TFB1M: variants seen among roughly 807,000 people sequenced by gnomAD.
TFB1M encodes dimethyladenosine transferase 1, mitochondrial.
TFB1M carries 27 observed loss-of-function variants against 31.1 expected under a neutral mutation model. The observed-to-expected ratio is 0.87, with a 90% CI of 0.64 to 1.20. TFB1M has a LOEUF of 1.20. Among genes scored for constraint, TFB1M ranks in the 50% most tolerant of loss-of-function variants. The pLI is 0.00. For synonymous variants in TFB1M, 166 were observed against 151.8 expected (o/e 1.09, Z -0.69); for missense variants, 394 against 418.7 (o/e 0.94, Z 0.51).
chr6:155,283,710 T>C (rs4870367), intron 5 of TFB1M, among the ~76,000 whole-genome samples: 19,514 of 152,256 alleles, frequency 0.13, 1,537 homozygotes, highest in Non-Finnish European at 0.19. Context: ...TTCTGGATAA[T>C]GGTCATAACC....
At chr6:155,313,827 T>A (rs1053214840) in intron 1 of TFB1M, among the ~76,000 whole-genome samples, 1 of 152,104 alleles carries the variant, frequency 6.6e-6, no homozygotes, top group Non-Finnish European at 1.5e-5. Context: ...ACTGAACAGG[T>A]AAACGTTTAA....
downstream of TFB1M, chr6:155,254,315 G>A: frequency 6.8e-7 from 1 of 1,471,470 alleles, no homozygotes; most frequent in Non-Finnish European, 9.3e-7. Context: ...CTGGCTGGCA[G>A]CCTGGTCCAG....
Position 155,257,523 on chromosome 6 carries a change from A to G in TFB1M, c.*313T>C, listed in dbSNP as rs1174793611. On this transcript the variant is annotated 3_prime_UTR_variant, in exon 7 of 7. Transcript: ENST00000367166. ...TTAGTTTTTGCTTTATTTAAAGCATATTTAAGTTATTTTAATGTGGTTTAG... is the reference window on the plus strand; with the variant it reads ...TTAGTTTTTGCTTTATTTAAAGCATGTTTAAGTTATTTTAATGTGGTTTAG... 5.6e-6 allele frequency: 2 copies of G among 359,830 alleles called. No individual in the cohort carries two copies. The highest frequency in any genetic ancestry group is 1.0e-5 in the Non-Finnish European group (2 of 198,950). The allele number at this position is 359,830 out of a possible 1,614,324, so 22.3% of individuals were successfully genotyped here.
chr6:155,240,614 C>T, the TFB1M span: 43 of 1,614,036 alleles, frequency 2.7e-5, no homozygotes, highest in Admixed American at 6.7e-4. Flanking sequence ...GAATCAGGAT[C>T]CTCCTCCGAG....
downstream of TFB1M, among the ~76,000 whole-genome samples, chr6:155,251,741 A>G (rs190836493): frequency 1.3e-5 from 2 of 152,366 alleles, no homozygotes; most frequent in Non-Finnish European, 2.9e-5. Flanking sequence ...AACTTCTAAT[A>G]GTAGCTTTTA....
intron 2 of TFB1M, 73 bp downstream of exon 2, chr6:155,311,115 G>A (rs1777996835): frequency 6.6e-7 from 1 of 1,519,152 alleles, no homozygotes; most frequent in Admixed American, 1.7e-5. Flanking sequence ...GGATACCTTG[G>A]GGTTTAAGCA....
intron 5 of TFB1M, among the ~76,000 whole-genome samples, chr6:155,267,085 G>A (rs1158805742): frequency 2.0e-5 from 3 of 150,034 alleles, no homozygotes; most frequent in East Asian, 4.0e-4. Flanking sequence ...AGCAATTCTC[G>A]TGTCTCAGCC....
intron 2 of TFB1M, among the ~76,000 whole-genome samples, chr6:155,299,740 A>AT (rs1173116835): frequency 2.0e-5 from 3 of 152,038 alleles, no homozygotes; most frequent in East Asian, 1.9e-4. Flanking sequence ...ATTAAAGCTG[A>AT]TTTTTTTTCT....
chr6:155,289,300 C>G (rs1029201482), intron 4 of TFB1M, among the ~76,000 whole-genome samples: 1 of 152,118 alleles, frequency 6.6e-6, no homozygotes. Flanking sequence ...ACAGGGCCAG[C>G]AGCATCGAGA....
At chr6:155,297,365 CAGGAAAAAGAGTTGGCTTG>C (rs1173714677) in intron 3 of TFB1M, among the ~76,000 whole-genome samples, 3 of 151,830 alleles carry the variant, frequency 2.0e-5, no homozygotes, top group African/African-American at 7.3e-5. Context: ...CTAGGAAATA[CAGGAAAAAGAGTTGGCTTG>C]AGGAAAAAGA....
chr6:155,240,952 A>G, the TFB1M span, among the ~76,000 whole-genome samples: 1 of 152,234 alleles, frequency 6.6e-6, no homozygotes, highest in African/African-American at 2.4e-5. Flanking sequence ...AGCTTTCACT[A>G]TGGAAACAGA....
chr6:155,302,259 C>T (rs1032808748), intron 2 of TFB1M, among the ~76,000 whole-genome samples: 1 of 152,154 alleles, frequency 6.6e-6, no homozygotes, highest in Admixed American at 6.5e-5. Flanking sequence ...TTATCTTCTT[C>T]CTGATTTGCC....
chr6:155,312,381 A>T (rs1259833377), intron 1 of TFB1M, among the ~76,000 whole-genome samples: 1 of 152,160 alleles, frequency 6.6e-6, no homozygotes, highest in Non-Finnish European at 1.5e-5. Context: ...TCCTATCCCA[A>T]TTTCATTTCT....
At chr6:155,310,273 C>T (rs1777959339) in intron 2 of TFB1M, among the ~76,000 whole-genome samples, 1 of 152,136 alleles carries the variant, frequency 6.6e-6, no homozygotes, top group African/African-American at 2.4e-5. Context: ...GTTCAGGACT[C>T]TTTTAAAATT....
At chr6:155,291,510 C>A (rs113070063) in intron 4 of TFB1M, among the ~76,000 whole-genome samples, 1,861 of 152,252 alleles carry the variant, frequency 0.012, 34 homozygotes, top group Non-Finnish European at 0.015. Context: ...AACAAACATG[C>A]AACGGTCCTA....
chr6:155,291,796 C>T (rs1776939254), intron 4 of TFB1M, among the ~76,000 whole-genome samples: 1 of 152,050 alleles, frequency 6.6e-6, no homozygotes, highest in Non-Finnish European at 1.5e-5. Flanking sequence ...GGCAAAAGTG[C>T]CCTTGTTGGA....
downstream of TFB1M, chr6:155,254,435 A>C: frequency 6.2e-7 from 1 of 1,612,382 alleles, no homozygotes; most frequent in Non-Finnish European, 8.5e-7. Flanking sequence ...TGAAAGCAAA[A>C]CCAACATTGT....
chr6:155,251,904 T>C, downstream of TFB1M: 2 of 1,507,778 alleles, frequency 1.3e-6, no homozygotes, highest in Non-Finnish European at 1.8e-6. Flanking sequence ...TGGAAGAGTT[T>C]GCATAAAATA....
intron 2 of TFB1M, chr6:155,310,906 TA>T (rs375552963): frequency 0.026 from 8,914 of 345,900 alleles, 24 homozygotes; most frequent in Middle Eastern, 0.036. Flanking sequence ...TTAGCAGACT[TA>T]AAAAAAAAAA....
Sources: allele counts gnomAD v4.1 joint callset (sites outside exome capture counted in the v4.1 genomes callset), GRCh38; gene constraint gnomAD v4.1.1; transcripts MANE v1.5; gene names NCBI Gene and HGNC (gene_info 2026-07-23, HGNC 2026-07-21).